The following OR5BS1 variants were observed in gnomAD, a reference collection of about 807,000 sequenced individuals.
The protein encoded by OR5BS1 is olfactory receptor 5BS1.
chr12:48,560,529 T>G, the OR5BS1 span: 1 of 401,890 alleles, frequency 2.5e-6, no homozygotes, highest in African/African-American at 2.1e-5. Flanking sequence ...TTTTGCTGGG[T>G]TCCTACAGCT....
chr12:48,562,363 G>A, the OR5BS1 span, among the ~76,000 whole-genome samples: 81 of 152,312 alleles, frequency 5.3e-4, no homozygotes, highest in African/African-American at 1.9e-3. Context: ...TTGCGTTTCT[G>A]TACTGTTGTG....
the OR5BS1 span, chr12:48,560,430 G>A: frequency 8.9e-4 from 358 of 401,448 alleles, 5 homozygotes; most frequent in East Asian, 0.013. Flanking sequence ...AGCTTCCTCC[G>A]GTGCTCTTAT....
At chr12:48,562,300 T>C in the OR5BS1 span, among the ~76,000 whole-genome samples, 1 of 152,210 alleles carries the variant, frequency 6.6e-6, no homozygotes, top group African/African-American at 2.4e-5. Context: ...ATAATGACGA[T>C]ATTTTAAACT....
the OR5BS1 span, chr12:48,562,708 T>A: frequency 5.0e-6 from 2 of 399,232 alleles, no homozygotes; most frequent in Non-Finnish European, 8.9e-6. Flanking sequence ...TGCAGAGTCT[T>A]TGCAGGGAGG....
the OR5BS1 span, chr12:48,560,653 A>T: frequency 5.0e-6 from 2 of 401,092 alleles, no homozygotes; most frequent in Non-Finnish European, 8.8e-6. Context: ...AGGAGTTCTC[A>T]GGTATGTCAT....
At chr12:48,561,392 G>A in the OR5BS1 span, among the ~76,000 whole-genome samples, 2 of 152,054 alleles carry the variant, frequency 1.3e-5, no homozygotes, top group East Asian at 1.9e-4. Flanking sequence ...GCTTTACATC[G>A]CCAAGCCAAT....
At chr12:48,560,888 A>G in the OR5BS1 span, among the ~76,000 whole-genome samples, 1 of 152,124 alleles carries the variant, frequency 6.6e-6, no homozygotes, top group Non-Finnish European at 1.5e-5. Flanking sequence ...GGATCACTTG[A>G]GCCCAGGAGT....
At chr12:48,560,271 G>C in the OR5BS1 span, 1 of 401,286 alleles carries the variant, frequency 2.5e-6, no homozygotes, top group African/African-American at 2.0e-5. Context: ...GTCATCCACT[G>C]TTGTATGTGG....
the OR5BS1 span, among the ~76,000 whole-genome samples, chr12:48,561,100 C>CAAA: frequency 9.1e-6 from 1 of 109,704 alleles, no homozygotes; most frequent in Non-Finnish European, 1.9e-5. Context: ...GAGACTAGGT[C>CAAA]AAAAAAAAAA....
chr12:48,560,407 A>G, the OR5BS1 span: 5 of 401,474 alleles, frequency 1.2e-5, no homozygotes, highest in Admixed American at 1.3e-4. Flanking sequence ...TGTCATCCAC[A>G]GTTTTGCCTG....
At chr12:48,562,873 C>G in the OR5BS1 span, 68 of 402,044 alleles carry the variant, frequency 1.7e-4, no homozygotes, top group African/African-American at 1.4e-3. Flanking sequence ...CCTGCTGAAC[C>G]CCCTCATCTA....
chr12:48,561,865 C>T, the OR5BS1 span, among the ~76,000 whole-genome samples: 2 of 152,150 alleles, frequency 1.3e-5, no homozygotes, highest in Non-Finnish European at 2.9e-5. Context: ...TCAGTTTCCT[C>T]ATCTGCCATG....
At chr12:48,560,312 T>C in the OR5BS1 span, 2 of 401,484 alleles carry the variant, frequency 5.0e-6, no homozygotes, top group East Asian at 7.1e-5. Flanking sequence ...TGTGCTGGCC[T>C]GGTGGGGGCA....
the OR5BS1 span, chr12:48,560,402 T>C: frequency 5.0e-6 from 2 of 401,404 alleles, no homozygotes; most frequent in Non-Finnish European, 8.8e-6. Context: ...CCTAATGTCA[T>C]CCACAGTTTT....
chr12:48,561,372 T>C, the OR5BS1 span, among the ~76,000 whole-genome samples: 2 of 152,202 alleles, frequency 1.3e-5, no homozygotes, highest in African/African-American at 4.8e-5. Context: ...CCATTTACTA[T>C]ACACAAGCTG....
the OR5BS1 span, chr12:48,562,868 T>C: frequency 2.5e-6 from 1 of 402,100 alleles, no homozygotes; most frequent in African/African-American, 2.0e-5. Context: ...ACCCCCCTGC[T>C]GAACCCCCTC....
chr12:48,562,793 G>T, the OR5BS1 span: 1,218 of 401,778 alleles, frequency 3.0e-3, 15 homozygotes, highest in African/African-American at 0.022. Flanking sequence ...TTCCCTTCAA[G>T]GTATATGATT....
chr12:48,560,220 C>T, the OR5BS1 span: 1 of 401,304 alleles, frequency 2.5e-6, no homozygotes, highest in Admixed American at 4.4e-5. Flanking sequence ...CTGAGGCTTG[C>T]CTCCTCTCGG....
chr12:48,561,817 A>G, the OR5BS1 span, among the ~76,000 whole-genome samples: 1 of 152,222 alleles, frequency 6.6e-6, no homozygotes, highest in Admixed American at 6.5e-5. Flanking sequence ...AGGAGAGCTT[A>G]CCTGAGCTGT....
Sources: gnomAD v4.1 joint callset for allele counts (sites outside exome capture counted in the v4.1 genomes callset) on GRCh38, gnomAD v4.1.1 for gene constraint, MANE v1.5 for transcripts, NCBI Gene and HGNC (gene_info 2026-07-23, HGNC 2026-07-21) for gene names.